Variants in FHIT observed in about 807,000 individuals in gnomAD.
The protein encoded by FHIT is fragile histidine triad diadenosine triphosphatase.
A neutral mutation model predicts 17.9 loss-of-function variants in FHIT; 19 were observed. The observed-to-expected ratio is 1.06, with a 90% CI of 0.74 to 1.56. FHIT has a LOEUF of 1.56. FHIT is among the 40% of genes most tolerant of loss of function. The probability of loss-of-function intolerance (pLI) is 0.00; values close to 1 mark genes in which losing one functional copy is unlikely to be tolerated. For missense variants in FHIT, 248 were observed against 189.2 expected (o/e 1.31, Z -1.82); for synonymous variants, 81 against 69.7 (o/e 1.16, Z -0.81).
At chr3:60,691,489 C>G (rs114719040) in intron 4 of FHIT, among the ~76,000 whole-genome samples, 1,652 of 152,052 alleles carry the variant, frequency 0.011, 30 homozygotes, top group African/African-American at 0.038. Flanking sequence ...CCCACCTCAG[C>G]CTCCTAAGTA....
chr3:60,626,485 T>C (rs1338341804), intron 4 of FHIT, among the ~76,000 whole-genome samples: 1 of 152,216 alleles, frequency 6.6e-6, no homozygotes, highest in East Asian at 1.9e-4. Flanking sequence ...TAAATGGAAT[T>C]TTCTCAGTTT....
At chr3:60,878,331 C>A (rs9834766) in intron 3 of FHIT, among the ~76,000 whole-genome samples, 3,100 of 152,146 alleles carry the variant, frequency 0.02, 91 homozygotes, top group African/African-American at 0.071. Context: ...CTTCAAGTAC[C>A]AATCCCTGGA....
chr3:59,881,872 G>A (rs9838966), intron 8 of FHIT, among the ~76,000 whole-genome samples: 7,140 of 152,080 alleles, frequency 0.047, 524 homozygotes, highest in African/African-American at 0.16. Context: ...ATCATTTCTG[G>A]TAGACAATAA....
At position 59,774,500 on chromosome 3, in the gene FHIT, T is replaced by A. The variant is rs546331465; in HGVS notation, c.349-22179A>T. Among the ~76,000 whole-genome samples, 10 of 152,330 alleles carry A rather than the reference T, an allele frequency of 6.6e-5. No individual in the cohort carries two copies. The South Asian group carries it at 2.1e-3, about 32-fold the overall frequency. On this transcript the variant is annotated intron_variant, in intron 8 of 9. Transcript: ENST00000492590. ...TCTGAAAACAGAAGATGAGCATACA[T>A]ACCTAACAGAGTTGTTATGAAGATT...
intron 2 of FHIT, among the ~76,000 whole-genome samples, chr3:61,193,848 G>C (rs1033247321): frequency 6.6e-6 from 1 of 152,100 alleles, no homozygotes; most frequent in Non-Finnish European, 1.5e-5. Flanking sequence ...TATAACAAAA[G>C]ACAGGTCAGC....
At chr3:60,504,998 C>A (rs976021784) in intron 5 of FHIT, among the ~76,000 whole-genome samples, 1 of 152,170 alleles carries the variant, frequency 6.6e-6, no homozygotes, top group Non-Finnish European at 1.5e-5. Context: ...TCCCAGGGGA[C>A]AAGGGGAATA....
intron 5 of FHIT, among the ~76,000 whole-genome samples, chr3:60,197,511 T>C (rs1702702605): frequency 6.6e-6 from 1 of 152,184 alleles, no homozygotes; most frequent in African/African-American, 2.4e-5. Context: ...CAAAATGAGT[T>C]GAGCTAAAGT....
intron 5 of FHIT, among the ~76,000 whole-genome samples, chr3:60,150,010 T>C (rs1446150210): frequency 4.2e-4 from 16 of 37,724 alleles, no homozygotes; most frequent in African/African-American, 1.4e-3. Context: ...TTTTTTTTTT[T>C]GGTGACCAAG....
At chr3:59,991,080 G>C (rs1307865818) in intron 7 of FHIT, among the ~76,000 whole-genome samples, 1 of 152,006 alleles carries the variant, frequency 6.6e-6, no homozygotes, top group Non-Finnish European at 1.5e-5. Flanking sequence ...CACTTCAGCA[G>C]ACTACCAGCT....
intron 7 of FHIT, among the ~76,000 whole-genome samples, chr3:59,951,673 C>T (rs1302353169): frequency 6.6e-6 from 1 of 151,934 alleles, no homozygotes; most frequent in Non-Finnish European, 1.5e-5. Flanking sequence ...TACCTAAGTT[C>T]CAAATAGAAC....
chr3:60,159,423 T>A (rs185057737), intron 5 of FHIT, among the ~76,000 whole-genome samples: 5 of 152,186 alleles, frequency 3.3e-5, no homozygotes, highest in Non-Finnish European at 5.9e-5. Context: ...GCCCAGCCGA[T>A]GTGTGTTTTT....
intron 5 of FHIT, among the ~76,000 whole-genome samples, chr3:60,246,885 A>G (rs977107611): frequency 1.3e-5 from 2 of 152,122 alleles, no homozygotes; most frequent in Non-Finnish European, 2.9e-5. Context: ...TAAACAGCTG[A>G]TTACGTATTT....
chr3:60,827,035 T>A (rs1234482702), intron 3 of FHIT, among the ~76,000 whole-genome samples: 1 of 152,174 alleles, frequency 6.6e-6, no homozygotes, highest in South Asian at 2.1e-4. Context: ...AAAAAAGAGT[T>A]TGCTTTAGGA....
At chr3:60,330,179 T>G (rs1709895882) in intron 5 of FHIT, among the ~76,000 whole-genome samples, 2 of 152,312 alleles carry the variant, frequency 1.3e-5, no homozygotes, top group South Asian at 4.1e-4. Context: ...CCCGGGATTC[T>G]AAGCACATCA....
chr3:60,742,782 T>C (rs1553714203), intron 4 of FHIT, among the ~76,000 whole-genome samples: 1 of 152,230 alleles, frequency 6.6e-6, no homozygotes, highest in Non-Finnish European at 1.5e-5. Flanking sequence ...TGCCTAAATA[T>C]GGACTGTTCT....
chr3:59,809,508 G>A (rs1315539658), intron 8 of FHIT, among the ~76,000 whole-genome samples: 2 of 152,104 alleles, frequency 1.3e-5, no homozygotes, highest in African/African-American at 2.4e-5. Context: ...AGCAGTCCTA[G>A]GAAGCTAACA....
chr3:60,636,228 G>A (rs1164444201), intron 4 of FHIT, among the ~76,000 whole-genome samples: 7 of 152,112 alleles, frequency 4.6e-5, no homozygotes, highest in East Asian at 1.9e-4. Flanking sequence ...GCACCACCAC[G>A]CCTAGCTAAT....
chr3:59,950,808 T>A (rs910835889), intron 7 of FHIT, among the ~76,000 whole-genome samples: 12 of 152,158 alleles, frequency 7.9e-5, no homozygotes, highest in African/African-American at 2.7e-4. Flanking sequence ...GAATCCAACG[T>A]TGAGAGCCAT....
chr3:60,239,681 A>C (rs213388), intron 5 of FHIT, among the ~76,000 whole-genome samples: 111,494 of 152,108 alleles, frequency 0.73, 41,742 homozygotes, highest in East Asian at 0.94. Context: ...AGCATGGAAA[A>C]ACACACAGAT....
Sources: allele counts gnomAD v4.1 joint callset (sites outside exome capture counted in the v4.1 genomes callset), GRCh38; gene constraint gnomAD v4.1.1; transcripts MANE v1.5; gene names NCBI Gene and HGNC (gene_info 2026-07-23, HGNC 2026-07-21).